The following RTL4 variants were observed in gnomAD, a reference collection of about 807,000 sequenced individuals.
RTL4 encodes the protein retrotransposon Gag-like protein 4.
Under a neutral mutation model 5.3 loss-of-function variants are expected in RTL4, and 4 were observed. That is an observed-to-expected ratio of 0.75 (90% confidence interval 0.37 to 1.72). The LOEUF (loss-of-function observed/expected upper bound fraction) is 1.72. Among genes scored for constraint, RTL4 ranks in the 40% most tolerant of loss-of-function variants. The pLI, the probability that RTL4 is intolerant of heterozygous loss-of-function variation, is 0.04. For missense variants in RTL4, 260 were observed against 227.1 expected (o/e 1.14, Z -0.93); for synonymous variants, 98 against 87.3 (o/e 1.12, Z -0.68).
the RTL4 span, among the ~76,000 whole-genome samples, chrX:112,289,517 T>G: frequency 8.9e-6 from 1 of 112,478 alleles, no homozygotes; most frequent in East Asian, 2.8e-4. Context: ...ATTTGAGTCC[T>G]GCATAGACCA....
the RTL4 span, among the ~76,000 whole-genome samples, chrX:112,416,139 T>C: frequency 2.7e-5 from 3 of 111,386 alleles, no homozygotes; most frequent in African/African-American, 9.8e-5. Flanking sequence ...TATGCGACTG[T>C]GTCTTCGTGT....
At chrX:112,094,826 T>G in the RTL4 span, among the ~76,000 whole-genome samples, 1 of 111,241 alleles carries the variant, frequency 9.0e-6, no homozygotes, top group African/African-American at 3.3e-5. Context: ...AACACAATGG[T>G]GATTGATTCC....
chrX:112,118,945 T>G, the RTL4 span, among the ~76,000 whole-genome samples: 2 of 110,483 alleles, frequency 1.8e-5, no homozygotes, highest in Non-Finnish European at 3.8e-5. Flanking sequence ...AGTGCAGTTG[T>G]GCAATCTCAG....
the RTL4 span, among the ~76,000 whole-genome samples, chrX:112,292,120 C>A: frequency 9.0e-6 from 1 of 111,606 alleles, no homozygotes; most frequent in Admixed American, 9.6e-5. Flanking sequence ...TTGTCAATAA[C>A]CTCTAGAGTG....
the RTL4 span, among the ~76,000 whole-genome samples, chrX:112,176,192 G>A: frequency 1.8e-5 from 2 of 111,722 alleles, no homozygotes; most frequent in African/African-American, 6.5e-5. Context: ...TCTTCAAGGA[G>A]AACTACAAAC....
the RTL4 span, among the ~76,000 whole-genome samples, chrX:112,349,512 A>C: frequency 3.7e-5 from 4 of 107,743 alleles, no homozygotes; most frequent in African/African-American, 1.4e-4. Flanking sequence ...ATGTTCTTCC[A>C]TTTGTTTGTA....
chrX:112,454,796 T>C, exon 1 of RTL4: 1 of 1,209,202 alleles, frequency 8.3e-7, no homozygotes. Context: ...GCAGAGAATC[T>C]GATTCTGCGG....
the RTL4 span, among the ~76,000 whole-genome samples, chrX:112,111,924 C>A: frequency 8.9e-6 from 1 of 111,921 alleles, no homozygotes; most frequent in Admixed American, 9.5e-5. Context: ...GGGCCGCACA[C>A]ATGTGTATTT....
At chrX:112,223,127 C>T in the RTL4 span, among the ~76,000 whole-genome samples, 1 of 111,711 alleles carries the variant, frequency 9.0e-6, no homozygotes, top group Non-Finnish European at 1.9e-5. Flanking sequence ...TTTTTTCATG[C>T]CTGTTCAAGC....
chrX:112,101,789 A>G, the RTL4 span, among the ~76,000 whole-genome samples: 2 of 110,543 alleles, frequency 1.8e-5, no homozygotes, highest in African/African-American at 6.6e-5. Flanking sequence ...TGGACTCTAA[A>G]TACAATGATG....
At chrX:112,203,524 T>C in the RTL4 span, among the ~76,000 whole-genome samples, 1 of 111,483 alleles carries the variant, frequency 9.0e-6, no homozygotes, top group Non-Finnish European at 1.9e-5. Flanking sequence ...CCTCCTTTGA[T>C]TGAATTTTCT....
chrX:112,119,987 A>G, the RTL4 span, among the ~76,000 whole-genome samples: 1 of 112,169 alleles, frequency 8.9e-6, no homozygotes, highest in Middle Eastern at 4.6e-3. Flanking sequence ...AGTTAATGTA[A>G]CATGTTTTCA....
the RTL4 span, among the ~76,000 whole-genome samples, chrX:112,400,665 T>A: frequency 8.9e-6 from 1 of 112,193 alleles, no homozygotes; most frequent in East Asian, 2.8e-4. Context: ...AGTCTTGAGC[T>A]TTGTTCTTGG....
chrX:112,322,184 A>G, the RTL4 span, among the ~76,000 whole-genome samples: 1 of 111,494 alleles, frequency 9.0e-6, no homozygotes, highest in Non-Finnish European at 1.9e-5. Context: ...TGACTAAAAG[A>G]GTCTTGCATT....
At chrX:112,204,597 A>G in the RTL4 span, among the ~76,000 whole-genome samples, 1 of 111,786 alleles carries the variant, frequency 8.9e-6, no homozygotes, top group South Asian at 3.7e-4. Flanking sequence ...GTTCTCACTT[A>G]TCTTTGGGAA....
At chrX:112,210,021 G>T in the RTL4 span, among the ~76,000 whole-genome samples, 4 of 111,858 alleles carry the variant, frequency 3.6e-5, no homozygotes, top group Non-Finnish European at 7.5e-5. Context: ...TGGGTCATAT[G>T]GTCCAAGTGG....
chrX:112,085,235 C>T, the RTL4 span, among the ~76,000 whole-genome samples: 1 of 112,164 alleles, frequency 8.9e-6, no homozygotes, highest in Non-Finnish European at 1.9e-5. Context: ...GCAAAAGTGG[C>T]TCAAAGCCAA....
the RTL4 span, among the ~76,000 whole-genome samples, chrX:112,154,341 C>T: frequency 2.7e-5 from 3 of 111,486 alleles, no homozygotes; most frequent in African/African-American, 9.8e-5. Flanking sequence ...TTTGAGCTTC[C>T]TCAGGGACAA....
the RTL4 span, among the ~76,000 whole-genome samples, chrX:112,132,011 A>C: frequency 8.9e-6 from 1 of 111,876 alleles, no homozygotes; most frequent in African/African-American, 3.3e-5. Flanking sequence ...TAAAGAAGTT[A>C]AGAAACTAGC....
Sources: allele counts gnomAD v4.1 joint callset (sites outside exome capture counted in the v4.1 genomes callset), GRCh38; gene constraint gnomAD v4.1.1; transcripts MANE v1.5; gene names NCBI Gene and HGNC (gene_info 2026-07-23, HGNC 2026-07-21).